Variants in EPHA6 observed in about 807,000 individuals in gnomAD.
EPHA6 encodes ephrin type-A receptor 6.
A neutral mutation model predicts 112.0 loss-of-function variants in EPHA6; 50 were observed. That is an observed-to-expected ratio of 0.45 (90% CI 0.36 to 0.56). EPHA6 has a LOEUF of 0.56. Ranked by LOEUF, EPHA6 falls within the 20% of genes least tolerant of loss-of-function variation. EPHA6 has a pLI of 0.00. For synonymous variants in EPHA6, 529 were observed against 490.7 expected (o/e 1.08, Z -1.03); for missense variants, 1,280 against 1,417.4 (o/e 0.90, Z 1.56).
intron 5 of EPHA6, among the ~76,000 whole-genome samples, chr3:97,298,334 G>A (rs981894690): frequency 2.7e-4 from 41 of 152,144 alleles, no homozygotes; most frequent in Admixed American, 6.5e-5. Context: ...GTCCATCTCA[G>A]TGTGGCTATG....
At chr3:97,542,837 G>A (rs1171805340) in intron 11 of EPHA6, among the ~76,000 whole-genome samples, 1 of 152,172 alleles carries the variant, frequency 6.6e-6, no homozygotes, top group Non-Finnish European at 1.5e-5. Flanking sequence ...GCATTTCTCT[G>A]ATGGCCAGTG....
intron 5 of EPHA6, among the ~76,000 whole-genome samples, chr3:97,338,870 C>T (rs2083179804): frequency 6.6e-6 from 1 of 152,164 alleles, no homozygotes; most frequent in African/African-American, 2.4e-5. Flanking sequence ...AGGCTTCCCA[C>T]AGAAAACAGG....
At chr3:97,114,418 T>A (rs2047819501) in intron 3 of EPHA6, among the ~76,000 whole-genome samples, 1 of 151,930 alleles carries the variant, frequency 6.6e-6, no homozygotes, top group Admixed American at 6.6e-5. Flanking sequence ...ACATTAGCAT[T>A]ACCTGATTAA....
In EPHA6 at chr3:97,586,299, T is replaced by C. The variant is rs149345675; in HGVS notation, c.2387-6313T>C. Among the ~76,000 whole-genome samples the C allele has an allele frequency of 3.3e-3, 505 of 152,348 alleles. 3 individuals are homozygous for C. The highest frequency in any genetic ancestry group is 0.011 in the African/African-American group (445 of 41,576). On this transcript the variant is annotated intron_variant, in intron 11 of 17. Transcript: ENST00000389672. ...GCAGCGTAGTCTGCCCAAGACTGCA[T>C]GTTTTCAGTTAAGGATACGCGAAAT... is the stretch of plus-strand genomic sequence containing the variant.
At chr3:97,475,245 TG>T in intron 7 of EPHA6, 106 bp from the exon 8 acceptor site, 1 of 790,508 alleles carries the variant, frequency 1.3e-6, no homozygotes, top group Non-Finnish European at 2.0e-6. Flanking sequence ...CCAAATATAC[TG>T]AGCTTGGCAT....
intron 11 of EPHA6, among the ~76,000 whole-genome samples, chr3:97,538,181 G>A (rs1012231329): frequency 1.5e-4 from 23 of 152,272 alleles, no homozygotes; most frequent in African/African-American, 4.8e-4. Flanking sequence ...GGAGGCTAGT[G>A]TAGTATTCCA....
intron 5 of EPHA6, among the ~76,000 whole-genome samples, chr3:97,276,058 C>T (rs747747020): frequency 1.3e-5 from 2 of 151,992 alleles, no homozygotes; most frequent in Non-Finnish European, 1.5e-5. Flanking sequence ...TAAAGCCTGG[C>T]CGTCAATACC....
chr3:97,570,351 G>A (rs994770966), intron 11 of EPHA6, among the ~76,000 whole-genome samples: 1 of 152,148 alleles, frequency 6.6e-6, no homozygotes, highest in Non-Finnish European at 1.5e-5. Context: ...AAGGGCAGAG[G>A]CATTCCTGTA....
chr3:97,698,115 G>A (rs2033151684), intron 14 of EPHA6, among the ~76,000 whole-genome samples: 1 of 152,084 alleles, frequency 6.6e-6, no homozygotes, highest in Non-Finnish European at 1.5e-5. Context: ...CAATTCTCCT[G>A]CCTCAGCCTC....
chr3:97,504,673 C>A (rs2092201404), intron 10 of EPHA6, among the ~76,000 whole-genome samples: 1 of 152,120 alleles, frequency 6.6e-6, no homozygotes, highest in South Asian at 2.1e-4. Flanking sequence ...GAGGACCCAC[C>A]TAAACTGCCT....
intron 5 of EPHA6, among the ~76,000 whole-genome samples, chr3:97,282,430 A>G (rs1006377320): frequency 2.6e-5 from 4 of 152,192 alleles, no homozygotes; most frequent in Admixed American, 6.5e-5. Flanking sequence ...CAATGCGGCA[A>G]TTCCTCAAAT....
intron 5 of EPHA6, among the ~76,000 whole-genome samples, chr3:97,249,773 A>C (rs180780645): frequency 6.6e-6 from 1 of 152,332 alleles, no homozygotes; most frequent in East Asian, 1.9e-4. Context: ...TACCCACTGC[A>C]TTAATAGAGA....
intron 1 of EPHA6, among the ~76,000 whole-genome samples, chr3:96,863,950 T>C (rs956534795): frequency 3.9e-5 from 6 of 152,052 alleles, no homozygotes; most frequent in Non-Finnish European, 8.8e-5. Flanking sequence ...ATAAAACTTA[T>C]GAACATTTAA....
chr3:97,103,623 T>G (rs1443871565), intron 3 of EPHA6, among the ~76,000 whole-genome samples: 1 of 152,150 alleles, frequency 6.6e-6, no homozygotes, highest in African/African-American at 2.4e-5. Context: ...CTATTTGGGC[T>G]CTTTTTTGGT....
intron 13 of EPHA6, among the ~76,000 whole-genome samples, chr3:97,619,977 G>C (rs1445421482): frequency 6.6e-6 from 1 of 152,180 alleles, no homozygotes; most frequent in East Asian, 1.9e-4. Flanking sequence ...TAAGCTAAAA[G>C]AACAAAGCTG....
intron 3 of EPHA6, among the ~76,000 whole-genome samples, chr3:97,075,708 T>TC (rs1037478142): frequency 6.6e-6 from 1 of 151,330 alleles, no homozygotes; most frequent in African/African-American, 2.4e-5. Flanking sequence ...ATACTGCATT[T>TC]TTTTTTTTTT....
intron 3 of EPHA6, among the ~76,000 whole-genome samples, chr3:97,140,282 A>T (rs989982049): frequency 6.6e-6 from 1 of 152,208 alleles, no homozygotes; most frequent in African/African-American, 2.4e-5. Context: ...AAAATTCAGG[A>T]TAATTTCCCT....
chr3:97,171,153 T>C (rs2108427246), intron 3 of EPHA6, among the ~76,000 whole-genome samples: 1 of 152,292 alleles, frequency 6.6e-6, no homozygotes, highest in East Asian at 1.9e-4. Flanking sequence ...TTATGAGAGA[T>C]GGACGGCATT....
intron 2 of EPHA6, among the ~76,000 whole-genome samples, chr3:96,867,428 T>G (rs573244065): frequency 3.9e-5 from 6 of 151,962 alleles, no homozygotes; most frequent in Admixed American, 6.6e-5. Context: ...TTGCAAAATA[T>G]AGTTTTTCAT....
Sources: allele counts gnomAD v4.1 joint callset (sites outside exome capture counted in the v4.1 genomes callset), GRCh38; gene constraint gnomAD v4.1.1; transcripts MANE v1.5; gene names NCBI Gene and HGNC (gene_info 2026-07-23, HGNC 2026-07-21).